HTR2C: variants seen among roughly 807,000 people sequenced by gnomAD.
The protein encoded by HTR2C is 5-hydroxytryptamine (serotonin) receptor 2C, G protein-coupled.
In HTR2C, 5 loss-of-function variants were observed where a neutral mutation model predicts 21.0. The ratio of observed to expected loss-of-function variants is 0.24; its 90% CI spans 0.12 to 0.50. The LOEUF is 0.50. Among genes scored for constraint, HTR2C ranks in the 20% least tolerant of loss-of-function variants. The probability of loss-of-function intolerance (pLI) is 0.98; values close to 1 mark genes in which losing one functional copy is unlikely to be tolerated. For synonymous variants in HTR2C, 150 were observed against 145.3 expected, an observed-to-expected ratio of 1.03 and a Z score of -0.23; for missense variants, 271 against 371.2, an observed-to-expected ratio of 0.73 and a Z score of 2.22.
chrX:114,693,724 A>ACG (rs1932179605), intron 2 of HTR2C, among the ~76,000 whole-genome samples: 1 of 111,796 alleles, frequency 8.9e-6, no homozygotes. Flanking sequence ...AGAACCACTG[A>ACG]CCTAGAGCAT....
chrX:114,696,875 G>A (rs1932295390), intron 2 of HTR2C, among the ~76,000 whole-genome samples: 1 of 110,917 alleles, frequency 9.0e-6, no homozygotes, highest in South Asian at 3.8e-4. Flanking sequence ...CATAGTAGTT[G>A]CTTATTAATG....
intron 5 of HTR2C, among the ~76,000 whole-genome samples, chrX:114,854,051 A>T (rs886807674): frequency 9.0e-6 from 1 of 111,653 alleles, no homozygotes; most frequent in Non-Finnish European, 1.9e-5. Flanking sequence ...ATCAACATTT[A>T]TAATGTATCT....
At chrX:114,803,166 A>G (rs1403430997) in intron 4 of HTR2C, among the ~76,000 whole-genome samples, 1 of 96,436 alleles carries the variant, frequency 1.0e-5, no homozygotes, top group African/African-American at 3.7e-5. Flanking sequence ...AGTCTTTGCT[A>G]TTGTGAATAA....
At chrX:114,733,388 C>T (rs1054173225) in intron 4 of HTR2C, among the ~76,000 whole-genome samples, 3 of 107,833 alleles carry the variant, frequency 2.8e-5, no homozygotes, top group African/African-American at 1.0e-4. Context: ...CTAGCTTGGG[C>T]GACAGAGCAA....
chrX:114,884,198 C>T (rs372928047), intron 5 of HTR2C, among the ~76,000 whole-genome samples: 1 of 110,762 alleles, frequency 9.0e-6, no homozygotes, highest in African/African-American at 3.3e-5. Flanking sequence ...TAGTTTGATT[C>T]CATATCTTGG....
chrX:114,732,359 G>A (rs1342361211), intron 4 of HTR2C, among the ~76,000 whole-genome samples: 3 of 111,826 alleles, frequency 2.7e-5, no homozygotes, highest in East Asian at 2.8e-4. Flanking sequence ...TTACTAGGAA[G>A]TTGGAGAGCC....
chrX:114,881,970 A>G (rs2071185330), intron 5 of HTR2C, among the ~76,000 whole-genome samples: 1 of 110,604 alleles, frequency 9.0e-6, no homozygotes, highest in Non-Finnish European at 1.9e-5. Context: ...AATCTAATCC[A>G]TGAGCATGAG....
chrX:114,787,807 C>T (rs782316093), intron 4 of HTR2C, among the ~76,000 whole-genome samples: 19 of 109,698 alleles, frequency 1.7e-4, no homozygotes, highest in African/African-American at 6.0e-4. Flanking sequence ...ATTAGCCAGG[C>T]GTGGTGGCAG....
chrX:114,644,070 C>G (rs782191181), intron 2 of HTR2C, among the ~76,000 whole-genome samples: 1 of 109,119 alleles, frequency 9.2e-6, no homozygotes, highest in Non-Finnish European at 1.9e-5. Context: ...GGGCTGCGCA[C>G]GGTGGCTCAT....
At chrX:114,895,222 T>C (rs2071287451) in intron 5 of HTR2C, among the ~76,000 whole-genome samples, 1 of 112,091 alleles carries the variant, frequency 8.9e-6, no homozygotes, top group African/African-American at 3.2e-5. Flanking sequence ...GTTGTGGAGT[T>C]ATGCCATATT....
At position 114,907,641 on chromosome X, in the gene HTR2C, T is replaced by G. The variant is rs1177039225; in HGVS notation, c.*226T>G. ...TGGAGACTAACTTATTTTGATTGTTTGATGAATAAAATGTTTATTTTTGCT... is the reference window on the plus strand; with the variant it reads ...TGGAGACTAACTTATTTTGATTGTTGGATGAATAAAATGTTTATTTTTGCT... On this transcript the variant is annotated 3_prime_UTR_variant, in exon 6 of 6. Coordinates refer to ENST00000276198, the MANE Select transcript of HTR2C (RefSeq NM_000868.4). 6.6e-6 allele frequency: 2 copies of G among 303,951 alleles called. No individual in the cohort carries two copies. The highest frequency in any genetic ancestry group is 5.4e-5 in the African/African-American group (2 of 36,722). The allele number at this position is 303,951 out of a possible 1,213,427, so 25.0% of individuals were successfully genotyped here. A position where few individuals can be genotyped will look rare whatever the true frequency, so the allele number is the denominator to read the frequency against.
chrX:114,855,971 A>G (rs2070957751), intron 5 of HTR2C, among the ~76,000 whole-genome samples: 1 of 108,343 alleles, frequency 9.2e-6, no homozygotes, highest in African/African-American at 3.4e-5. Context: ...TGACTGTTCT[A>G]TACATATTAT....
chrX:114,784,781 G>A (rs943125525), intron 4 of HTR2C, among the ~76,000 whole-genome samples: 1 of 109,664 alleles, frequency 9.1e-6, no homozygotes, highest in South Asian at 3.9e-4. Context: ...CACCGCGCCC[G>A]GCTAATTTTT....
chrX:114,701,343 G>A (rs1288219412), intron 2 of HTR2C, among the ~76,000 whole-genome samples: 3 of 111,168 alleles, frequency 2.7e-5, no homozygotes, highest in Non-Finnish European at 5.7e-5. Flanking sequence ...TCACATGGCC[G>A]GGTACTCCTC....
intron 2 of HTR2C, chrX:114,715,261 G>C (rs1556419636): frequency 2.6e-6 from 1 of 382,864 alleles, no homozygotes; most frequent in Non-Finnish European, 5.3e-6. Context: ...TCATTCGGCT[G>C]TCCAGATGTA....
At chrX:114,797,323 A>T (rs893171801) in intron 4 of HTR2C, among the ~76,000 whole-genome samples, 1 of 111,245 alleles carries the variant, frequency 9.0e-6, no homozygotes, top group African/African-American at 3.3e-5. Context: ...GTCTCTCTAT[A>T]TCTTGAATTT....
chrX:114,631,012 G>A (rs1251537219), intron 2 of HTR2C: 6 of 235,711 alleles, frequency 2.5e-5, no homozygotes, highest in Middle Eastern at 1.4e-3. Context: ...CTAGAAAAGC[G>A]TGACTATGTC....
At chrX:114,893,519 A>G (rs1305126379) in intron 5 of HTR2C, among the ~76,000 whole-genome samples, 1 of 111,519 alleles carries the variant, frequency 9.0e-6, no homozygotes, top group Non-Finnish European at 1.9e-5. Context: ...ATTAACCTTG[A>G]CTTCAACCTC....
intron 2 of HTR2C, among the ~76,000 whole-genome samples, chrX:114,669,142 A>G (rs1461617883): frequency 9.1e-6 from 1 of 109,996 alleles, no homozygotes; most frequent in African/African-American, 3.3e-5. Flanking sequence ...TTTTCATTGC[A>G]TTTTCTATCA....
Sources: allele counts gnomAD v4.1 joint callset (sites outside exome capture counted in the v4.1 genomes callset), GRCh38; gene constraint gnomAD v4.1.1; transcripts MANE v1.5; gene names NCBI Gene and HGNC (gene_info 2026-07-23, HGNC 2026-07-21).